SMAP1: variants seen among roughly 807,000 people sequenced by gnomAD.
The protein encoded by SMAP1 is stromal membrane-associated protein 1.
Under a neutral mutation model 58.5 loss-of-function variants are expected in SMAP1, and 24 were observed. The ratio of observed to expected loss-of-function variants is 0.41; its 90% CI spans 0.30 to 0.58. The LOEUF (loss-of-function observed/expected upper bound fraction) is 0.58, where lower values mean the gene tolerates loss of function less well. Ranked by LOEUF, SMAP1 falls within the 20% of genes least tolerant of loss-of-function variation. The probability of loss-of-function intolerance (pLI) is 0.29; values close to 1 mark genes in which losing one functional copy is unlikely to be tolerated. For missense variants in SMAP1, 563 were observed against 566.3 expected (o/e 0.99, Z 0.06); for synonymous variants, 216 against 196.6 (o/e 1.10, Z -0.82).
Position 70,836,953 on chromosome 6 carries a change from G to C in SMAP1, c.589G>C (p.Asp197His). The change falls in exon 7 of 11, where the codon GAT becomes CAT. Residue 197 changes from aspartate (D) to histidine (H), a missense_variant. By Grantham distance (81) the Asp-to-His change is moderately conservative. Transcript: ENST00000370455. ...PLTAEKLQKK[D>H]QQLEPKKSTS... ...ATTTACTTTAAAGCTGCAGAAGAAA[G>C]ATCAGCAACTGGAGCCTAAAAAAAG... 6.3e-7 allele frequency: 1 copy of C among 1,593,870 alleles called. No individual in the cohort carries two copies. The highest frequency in any genetic ancestry group is 8.5e-7 in the Non-Finnish European group (1 of 1,171,440).
intron 2 of SMAP1, among the ~76,000 whole-genome samples, chr6:70,739,368 G>C (rs1308615752): frequency 6.6e-6 from 1 of 151,938 alleles, no homozygotes; most frequent in Non-Finnish European, 1.5e-5. Context: ...TTTTAAATGA[G>C]GCTAATAGAG....
rs1474578451 is a variant in SMAP1, at chr6:70,861,087, A to ATGACAGTAATTGTGTTTACATTT, written c.*755_*777dup. 1.1e-5 allele frequency: 2 copies of ATGACAGTAATTGTGTTTACATTT among 186,490 alleles called. No homozygotes were observed. The highest frequency in any genetic ancestry group is 4.6e-5 in the African/African-American group (2 of 43,036). The allele number at this position is 186,490 out of a possible 1,614,324, so 11.6% of individuals were successfully genotyped here. ...AATCCTTGAAGGTATATCTAGGTTT[A>ATGACAGTAATTGTGTTTACATTT]TGACAGTAATTGTGTTTACATTTTA... On this transcript the variant is annotated 3_prime_UTR_variant, in exon 11 of 11. Transcript: ENST00000370455.
chr6:70,730,508 C>T (rs1562120118), intron 1 of SMAP1, among the ~76,000 whole-genome samples: 1 of 152,202 alleles, frequency 6.6e-6, no homozygotes. Context: ...AATGATGAGA[C>T]AGAGTGGAAA....
intron 6 of SMAP1, among the ~76,000 whole-genome samples, chr6:70,808,902 CTGTGTGTG>C (rs35577736): frequency 0.051 from 7,310 of 144,742 alleles, 396 homozygotes; most frequent in African/African-American, 0.13. Flanking sequence ...GGCTGTTTCC[CTGTGTGTG>C]TGTGTGTGTG....
chr6:70,841,695 T>C (rs1770813901), intron 7 of SMAP1, among the ~76,000 whole-genome samples: 1 of 152,214 alleles, frequency 6.6e-6, no homozygotes. Flanking sequence ...CATACAGTTT[T>C]GGGCAAGTCG....
intron 6 of SMAP1, among the ~76,000 whole-genome samples, chr6:70,819,897 T>C (rs1376514042): frequency 6.6e-6 from 1 of 152,208 alleles, no homozygotes; most frequent in Non-Finnish European, 1.5e-5. Flanking sequence ...GTTTCAAACA[T>C]TGGACTGGAC....
At chr6:70,766,981 C>A (rs1427511559) in intron 3 of SMAP1, among the ~76,000 whole-genome samples, 5 of 151,998 alleles carry the variant, frequency 3.3e-5, no homozygotes. Context: ...CCAGTTTTCC[C>A]AGCATCATTT....
chr6:70,695,573 T>A (rs529159814), intron 1 of SMAP1, among the ~76,000 whole-genome samples: 2 of 152,240 alleles, frequency 1.3e-5, no homozygotes, highest in Non-Finnish European at 2.9e-5. Flanking sequence ...AATGTTGATA[T>A]GATGTATCAC....
chr6:70,795,424 A>G (rs1038449597), intron 5 of SMAP1, among the ~76,000 whole-genome samples: 14 of 152,212 alleles, frequency 9.2e-5, no homozygotes, highest in Non-Finnish European at 1.9e-4. Context: ...ACAAAGATCA[A>G]GTCTCCAGCA....
intron 7 of SMAP1, among the ~76,000 whole-genome samples, chr6:70,840,480 T>A (rs972491015): frequency 2.6e-5 from 4 of 152,228 alleles, no homozygotes; most frequent in African/African-American, 9.6e-5. Context: ...ATTTTTGGCT[T>A]TGCAGGCCTT....
chr6:70,714,976 TAG>T (rs1024749136), intron 1 of SMAP1, among the ~76,000 whole-genome samples: 7 of 152,246 alleles, frequency 4.6e-5, no homozygotes, highest in African/African-American at 1.7e-4. Context: ...TAATAAGAAA[TAG>T]AGAGTCCCCT....
chr6:70,785,384 T>C (rs1767965929), intron 4 of SMAP1, among the ~76,000 whole-genome samples: 1 of 151,904 alleles, frequency 6.6e-6, no homozygotes, highest in East Asian at 1.9e-4. Flanking sequence ...AATATCACAA[T>C]TAAAAGAACT....
Position 70,668,090 on chromosome 6 carries a change from A to G in SMAP1, c.67A>G (p.Lys23Glu), listed in dbSNP as rs896127836. Reference protein sequence around the residue: ...LNEQHQLILSKLLREEDNKYC... With the variant: ...LNEQHQLILSELLREEDNKYC... ...CGAGCAGCACCAGCTCATCCTATCC[A>G]AGCTTCTGAGGGAGGAGGACAACAA... Residue 23 changes from lysine to glutamate, a missense_variant, in exon 1 of 11, where the codon AAG becomes GAG. Coordinates refer to ENST00000370455, the MANE Select transcript of SMAP1 (RefSeq NM_001044305.3). 2.5e-6 allele frequency: 4 copies of G among 1,605,102 alleles called. No individual in the cohort carries two copies. The highest frequency in any genetic ancestry group is 2.5e-6 in the Non-Finnish European group (3 of 1,176,492).
At chr6:70,829,520 T>G (rs972604771) in intron 6 of SMAP1, among the ~76,000 whole-genome samples, 2 of 152,230 alleles carry the variant, frequency 1.3e-5, no homozygotes, top group Non-Finnish European at 2.9e-5. Flanking sequence ...TAGAAATTAT[T>G]CAGCAAAAGG....
intron 3 of SMAP1, chr6:70,759,988 G>A (rs1020314182): frequency 6.7e-6 from 2 of 298,030 alleles, no homozygotes; most frequent in Middle Eastern, 4.1e-4. Context: ...TGTGGGGAGT[G>A]GGGTGGGAAG....
intron 1 of SMAP1, among the ~76,000 whole-genome samples, chr6:70,698,560 G>C (rs1324586283): frequency 6.6e-6 from 1 of 152,046 alleles, no homozygotes; most frequent in Admixed American, 6.6e-5. Flanking sequence ...GATTTCGTAG[G>C]CATGCTTCAT....
At chr6:70,800,052 A>G (rs892866478) in intron 6 of SMAP1, among the ~76,000 whole-genome samples, 4 of 151,980 alleles carry the variant, frequency 2.6e-5, no homozygotes, top group Admixed American at 6.6e-5. Context: ...TTTTTTCACT[A>G]TAGCTTCATT....
chr6:70,811,205 A>T (rs986282272), intron 6 of SMAP1, among the ~76,000 whole-genome samples: 2 of 152,124 alleles, frequency 1.3e-5, no homozygotes, highest in Non-Finnish European at 2.9e-5. Context: ...CAGTTTCTTC[A>T]TATGTAAATC....
At chr6:70,774,400 TTGG>T (rs1218506181) in intron 4 of SMAP1, among the ~76,000 whole-genome samples, 1 of 152,222 alleles carries the variant, frequency 6.6e-6, no homozygotes, top group Non-Finnish European at 1.5e-5. Context: ...AGTTAATCTT[TTGG>T]TGAAGTCATC....
Sources: gnomAD v4.1 joint callset for allele counts (sites outside exome capture counted in the v4.1 genomes callset) on GRCh38, gnomAD v4.1.1 for gene constraint, MANE v1.5 for transcripts, NCBI Gene and HGNC (gene_info 2026-07-23, HGNC 2026-07-21) for gene names.